APPL1: variants seen among roughly 807,000 people sequenced by gnomAD.
The protein encoded by APPL1 is DCC-interacting protein 13-alpha.
APPL1 carries 42 observed loss-of-function variants against 106.8 expected under a neutral mutation model. The ratio of observed to expected loss-of-function variants is 0.39; its 90% CI spans 0.31 to 0.51. APPL1 has a LOEUF of 0.51. Ranked by LOEUF, APPL1 falls within the 20% of genes least tolerant of loss-of-function variation. The pLI, the probability that APPL1 is intolerant of heterozygous loss-of-function variation, is 0.75. For missense variants in APPL1, 769 were observed against 858.2 expected, an observed-to-expected ratio of 0.90 and a Z score of 1.30; for synonymous variants, 263 against 281.8, an observed-to-expected ratio of 0.93 and a Z score of 0.67.
At chr3:57,264,385 A>G (rs1247342976) in intron 19 of APPL1, among the ~76,000 whole-genome samples, 1 of 151,856 alleles carries the variant, frequency 6.6e-6, no homozygotes, top group African/African-American at 2.4e-5. Flanking sequence ...TTTTAACTTG[A>G]TGAGATCCCA....
rs1164480669 is a variant in APPL1, at chr3:57,228,151, A to G, written c.54+214A>G. Among the ~76,000 whole-genome samples the G allele has an allele frequency of 6.6e-6, 1 of 151,932 alleles. No homozygotes were observed. The highest frequency in any genetic ancestry group is 1.5e-5 in the Non-Finnish European group (1 of 67,946). ...CCTGCTCGGCTGGGCCGAGGGCCGC[A>G]GGCGGAGACCGAGCCGCTGGTGCTC... On this transcript the variant is annotated intron_variant, in intron 1 of 21. Transcript: ENST00000288266. The surrounding 1 kb of genome is among the most constrained non-coding windows in gnomAD (Gnocchi z 4.6).
At chr3:57,240,841 G>A (rs1364471925) in intron 5 of APPL1, among the ~76,000 whole-genome samples, 1 of 152,194 alleles carries the variant, frequency 6.6e-6, no homozygotes, top group African/African-American at 2.4e-5. Context: ...AGGTGCTGGC[G>A]GGGCTGTTAG....
chr3:57,268,371 C>A, intron 20 of APPL1, 27 bp from the exon 21 acceptor site: 4 of 1,491,596 alleles, frequency 2.7e-6, no homozygotes, highest in South Asian at 1.2e-5. Flanking sequence ...ATATTTAATT[C>A]ATTAGTTTTA....
At position 57,264,573 on chromosome 3, in the gene APPL1, TAAAA is replaced by T. The variant is rs767949059; in HGVS notation, c.1843-3164_1843-3161del. 5.6e-4 allele frequency among the ~76,000 whole-genome samples: 81 copies of T among 145,718 alleles called. 3 individuals carry two copies. Among genetic ancestry groups the T allele is most frequent in the Middle Eastern group, 6.9e-3 (2 of 290 alleles). On this transcript the variant is annotated intron_variant, in intron 19 of 21. Coordinates refer to ENST00000288266, the MANE Select transcript of APPL1 (RefSeq NM_012096.3). Reference sequence around the variant, plus strand: ...ATATTTAAAAAAATTTAAAAAAAAATAAAAAAAATAAAAAAAAATTTTTTTAAAA... The same window carrying T: ...ATATTTAAAAAAATTTAAAAAAAAATAAAATAAAAAAAAATTTTTTTAAAA...
chr3:57,227,742 G>C lies in APPL1; in HGVS notation c.-142G>C, dbSNP rs1421816975. 3.0e-6 allele frequency: 2 copies of C among 658,834 alleles called. No individual in the cohort carries two copies. Among genetic ancestry groups the C allele is most frequent in the Non-Finnish European group, 4.3e-6 (2 of 463,076 alleles). 40.8% of individuals were successfully genotyped at this position (658,834 alleles called of 1,614,324 possible). A position where few individuals can be genotyped will look rare whatever the true frequency, so the allele number is the denominator to read the frequency against. On this transcript the variant is annotated 5_prime_UTR_variant, in exon 1 of 22. Coordinates refer to ENST00000288266, the MANE Select transcript of APPL1 (RefSeq NM_012096.3). ...GCGGGATTTCCCGCACGGCCGCTCG[G>C]CGCCTGGAGAAGGCTGTGCGGGCGG...
At position 57,261,521 on chromosome 3, in the gene APPL1, T is replaced by C. The variant is rs1475251105; in HGVS notation, c.1842+747T>C. 2.6e-5 allele frequency among the ~76,000 whole-genome samples: 4 copies of C among 152,092 alleles called. No homozygotes were observed. In the East Asian group the frequency reaches 5.8e-4, roughly 22 times the overall value. On this transcript the variant is annotated intron_variant, in intron 19 of 21. Transcript: ENST00000288266. Reference sequence around the variant, plus strand: ...TGGTAGTTCTATTTTTAGTTTTTGTTGTTGTTGTTGTTTTTGAGACGGAGT... The same window carrying C: ...TGGTAGTTCTATTTTTAGTTTTTGTCGTTGTTGTTGTTTTTGAGACGGAGT...
intron 2 of APPL1, 68 bp from the exon 3 acceptor site, chr3:57,237,424 G>C (rs1168227626): frequency 9.9e-7 from 1 of 1,006,944 alleles, no homozygotes; most frequent in Non-Finnish European, 1.5e-6. Flanking sequence ...AAATAAATTA[G>C]GTATTTAATT....
chr3:57,238,229 C>A, intron 4 of APPL1, 113 bp downstream of exon 4: 1 of 667,634 alleles, frequency 1.5e-6, no homozygotes, highest in Non-Finnish European at 2.4e-6. Context: ...AAAGAGGAAC[C>A]TTAATTCCAC....
chr3:57,245,709 A>AT (rs991264861), intron 7 of APPL1, among the ~76,000 whole-genome samples: 20 of 150,360 alleles, frequency 1.3e-4, no homozygotes, highest in Non-Finnish European at 2.2e-4. Flanking sequence ...CACCTGGCTA[A>AT]TTTTTTTTTC....
chr3:57,236,790 C>T lies in APPL1; in HGVS notation c.154-702C>T, dbSNP rs570033797. Among the ~76,000 whole-genome samples, 5 of 152,316 alleles carry T rather than the reference C, an allele frequency of 3.3e-5. No individual in the cohort carries two copies. In the East Asian group the frequency reaches 9.6e-4, roughly 29 times the overall value. ...AAAATTTGAAGCTATGTTTGGATAACTTAATTATAAGCTTAAACAGCAACC... is the reference window on the plus strand; with the variant it reads ...AAAATTTGAAGCTATGTTTGGATAATTTAATTATAAGCTTAAACAGCAACC... On this transcript the variant is annotated intron_variant, in intron 2 of 21. Transcript: ENST00000288266.
chr3:57,264,710 T>C (rs1174303216), intron 19 of APPL1, among the ~76,000 whole-genome samples: 3 of 151,882 alleles, frequency 2.0e-5, no homozygotes, highest in African/African-American at 7.2e-5. Flanking sequence ...TTCCCCAATG[T>C]ATATTCTTGG....
At chr3:57,255,222 C>T (rs2107606252) in intron 13 of APPL1, among the ~76,000 whole-genome samples, 1 of 152,304 alleles carries the variant, frequency 6.6e-6, no homozygotes, top group East Asian at 1.9e-4. Flanking sequence ...AGGACAGGAG[C>T]TGCCTGACCT....
chr3:57,255,051 A>G (rs2060827643), intron 13 of APPL1, among the ~76,000 whole-genome samples: 1 of 152,258 alleles, frequency 6.6e-6, no homozygotes, highest in Admixed American at 6.5e-5. Context: ...CCAGTTTTGC[A>G]AATTATATTT....
chr3:57,242,752 G>A, intron 6 of APPL1, 104 bp from the exon 7 acceptor site: 2 of 816,310 alleles, frequency 2.5e-6, no homozygotes, highest in Non-Finnish European at 2.0e-6. Flanking sequence ...GGAAATTCTT[G>A]CTTTAGTACG....
At chr3:57,248,075 C>G (rs1159675806) in intron 9 of APPL1, 118 bp from the exon 10 acceptor site, 4 of 981,204 alleles carry the variant, frequency 4.1e-6, no homozygotes, top group Non-Finnish European at 5.8e-6. Context: ...TTTTAACCAC[C>G]CATGCCGCTC....
At chr3:57,258,311 C>T (rs2060848026) in intron 15 of APPL1, among the ~76,000 whole-genome samples, 1 of 152,182 alleles carries the variant, frequency 6.6e-6, no homozygotes, top group African/African-American at 2.4e-5. Flanking sequence ...GCGTGCGCCA[C>T]CACACCCAGC....
Position 57,269,730 on chromosome 3 carries a change from T to C in APPL1, c.*43T>C. 2 of 1,598,938 alleles carry C rather than the reference T, an allele frequency of 1.3e-6. No individual in the cohort carries two copies. The highest frequency in any genetic ancestry group is 1.7e-6 in the Non-Finnish European group (2 of 1,168,130). ...ATATTCCCCCTTGGAATTTGACAGT[T>C]TCTATGGTGAAATGGCAGAAGGTAA... On this transcript the variant is annotated 3_prime_UTR_variant, in exon 22 of 22. Transcript: ENST00000288266.
intron 12 of APPL1, 66 bp downstream of exon 12, chr3:57,252,377 T>A: frequency 2.6e-6 from 3 of 1,166,078 alleles, no homozygotes; most frequent in Non-Finnish European, 3.7e-6. Context: ...ACAAAACATA[T>A]ATTAATGTGT....
At chr3:57,235,435 G>T in intron 1 of APPL1, 131 bp from the exon 2 acceptor site, 1 of 519,190 alleles carries the variant, frequency 1.9e-6, no homozygotes, top group Non-Finnish European at 3.4e-6. Context: ...TATCAAAAGA[G>T]ACAAAATAGA....
Sources: allele counts gnomAD v4.1 joint callset (sites outside exome capture counted in the v4.1 genomes callset), GRCh38; gene constraint gnomAD v4.1.1; non-coding constraint Gnocchi (gnomAD v3.1); transcripts MANE v1.5; gene names NCBI Gene and HGNC (gene_info 2026-07-23, HGNC 2026-07-21).